RAVER2: variants seen among roughly 807,000 people sequenced by gnomAD.
The protein encoded by RAVER2 is ribonucleoprotein PTB-binding 2.
Under a neutral mutation model 78.1 loss-of-function variants are expected in RAVER2, and 46 were observed. That is an observed-to-expected ratio of 0.59 (90% CI 0.46 to 0.75). RAVER2 has a LOEUF of 0.75. RAVER2 is among the 30% of genes least tolerant of loss of function. The pLI is 0.00. For missense variants in RAVER2, 793 were observed against 837.5 expected (o/e 0.95, Z 0.66); for synonymous variants, 311 against 313.3 (o/e 0.99, Z 0.08).
chr1:64,806,652 G>A (rs1256278034), intron 8 of RAVER2, among the ~76,000 whole-genome samples: 1 of 152,156 alleles, frequency 6.6e-6, no homozygotes, highest in Non-Finnish European at 1.5e-5. Context: ...CTGATTTCAA[G>A]TTACCAATAT....
intron 11 of RAVER2, among the ~76,000 whole-genome samples, chr1:64,823,795 A>C (rs1322770776): frequency 6.7e-6 from 1 of 149,720 alleles, no homozygotes; most frequent in Non-Finnish European, 1.5e-5. Context: ...TGACTGTGTA[A>C]GTTGTGATTT....
chr1:64,806,208 AT>A (rs759221155), intron 8 of RAVER2, among the ~76,000 whole-genome samples: 7 of 152,076 alleles, frequency 4.6e-5, no homozygotes, highest in Non-Finnish European at 8.8e-5. Flanking sequence ...TAAAACTTTT[AT>A]TTGCCAGCCT....
At chr1:64,792,724 A>G (rs937070861) in intron 5 of RAVER2, among the ~76,000 whole-genome samples, 5 of 152,218 alleles carry the variant, frequency 3.3e-5, no homozygotes, top group African/African-American at 1.2e-4. Context: ...ACTTGAGCAC[A>G]TACATAGCTG....
At chr1:64,818,032 TGAG>T (rs1301711683) in intron 11 of RAVER2, among the ~76,000 whole-genome samples, 3 of 152,228 alleles carry the variant, frequency 2.0e-5, no homozygotes, top group Non-Finnish European at 4.4e-5. Flanking sequence ...TTTATACCAT[TGAG>T]AAGTTTCTTC....
intron 3 of RAVER2, among the ~76,000 whole-genome samples, chr1:64,780,321 A>G (rs950201728): frequency 2.6e-5 from 4 of 152,200 alleles, no homozygotes; most frequent in Non-Finnish European, 5.9e-5. Context: ...TGTTTAGAAG[A>G]GGTAGATGTT....
intron 1 of RAVER2, among the ~76,000 whole-genome samples, chr1:64,756,389 A>G (rs1651856714): frequency 6.6e-6 from 1 of 152,168 alleles, no homozygotes; most frequent in South Asian, 2.1e-4. Flanking sequence ...TTATGGCAAT[A>G]TAGGCTCATG....
chr1:64,832,311 T>C (rs954287779), exon 12 of RAVER2: 1 of 152,758 alleles, frequency 6.5e-6, no homozygotes, highest in Non-Finnish European at 1.5e-5. Flanking sequence ...CTCTTTTTGA[T>C]AGTGTGTTAG....
intron 11 of RAVER2, among the ~76,000 whole-genome samples, chr1:64,821,529 T>A (rs1653887573): frequency 6.6e-6 from 1 of 152,128 alleles, no homozygotes. Flanking sequence ...ATAGAAGCAG[T>A]AGAAATATGT....
At chr1:64,829,890 G>A (rs1331353288) in intron 11 of RAVER2, among the ~76,000 whole-genome samples, 1 of 152,134 alleles carries the variant, frequency 6.6e-6, no homozygotes, top group African/African-American at 2.4e-5. Flanking sequence ...TTTCAGTCTT[G>A]TCATCCCTCT....
At chr1:64,810,768 G>A (rs1242112834) in intron 9 of RAVER2, among the ~76,000 whole-genome samples, 1 of 152,022 alleles carries the variant, frequency 6.6e-6, no homozygotes. Flanking sequence ...TTTAAATCAG[G>A]TTCATTTTTG....
At position 64,830,836 on chromosome 1, in the gene RAVER2, T is replaced by G; in HGVS notation, c.1930-3T>G. On this transcript the variant is annotated splice_region_variant and splice_polypyrimidine_tract_variant and intron_variant, in intron 11 of 11. Coordinates refer to ENST00000294428, the Ensembl canonical transcript of RAVER2. Reference sequence around the variant, plus strand: ...AACTAGCTGCAATTTTATTTTCTCATAGGTGTCATCTTTAAGAAATGAAAA... The same window carrying G: ...AACTAGCTGCAATTTTATTTTCTCAGAGGTGTCATCTTTAAGAAATGAAAA... The G allele has an allele frequency of 6.3e-7, 1 of 1,588,758 alleles. No individual in the cohort carries two copies. The highest frequency in any genetic ancestry group is 8.6e-7 in the Non-Finnish European group (1 of 1,167,072).
intron 4 of RAVER2, 33 bp downstream of exon 4, chr1:64,781,604 G>T: frequency 6.3e-7 from 1 of 1,582,486 alleles, no homozygotes; most frequent in South Asian, 1.2e-5. Context: ...TCTTTTTTTA[G>T]AGTATAGAAA....
At chr1:64,794,412 A>AT (rs1165919817) in intron 5 of RAVER2, among the ~76,000 whole-genome samples, 1 of 151,698 alleles carries the variant, frequency 6.6e-6, no homozygotes, top group African/African-American at 2.4e-5. Flanking sequence ...AAAAAAAAAA[A>AT]AAAAACTGCC....
chr1:64,791,095 TAA>T (rs1456671902), intron 5 of RAVER2, among the ~76,000 whole-genome samples: 1 of 152,184 alleles, frequency 6.6e-6, no homozygotes, highest in East Asian at 1.9e-4. Context: ...AGTTTTATTA[TAA>T]AGAGCACAGG....
At chr1:64,829,348 G>C (rs1361010634) in intron 11 of RAVER2, among the ~76,000 whole-genome samples, 1 of 152,162 alleles carries the variant, frequency 6.6e-6, no homozygotes, top group East Asian at 1.9e-4. Flanking sequence ...TTGTAGAATG[G>C]ACTGATGACT....
In RAVER2 at chr1:64,781,367, T is replaced by C. The variant is rs1359665131; in HGVS notation, c.787-13T>C. ...AGATCGGAATTACTGTTTAATAGAA[T>C]GTATTGTATCAGCTTGCACAGGATG... On this transcript the variant is annotated splice_polypyrimidine_tract_variant and intron_variant, in intron 3 of 11. Transcript: ENST00000294428. 1 of 1,543,514 alleles carries C rather than the reference T, an allele frequency of 6.5e-7. No individual in the cohort carries two copies. The highest frequency in any genetic ancestry group is 8.8e-7 in the Non-Finnish European group (1 of 1,142,348).
intron 1 of RAVER2, among the ~76,000 whole-genome samples, chr1:64,751,598 T>C (rs1031331062): frequency 5.3e-5 from 8 of 152,088 alleles, no homozygotes; most frequent in Admixed American, 2.0e-4. Flanking sequence ...CATTTTTAGA[T>C]ACGGGATGTT....
chr1:64,773,897 A>G (rs1318136635), intron 2 of RAVER2, among the ~76,000 whole-genome samples: 1 of 152,076 alleles, frequency 6.6e-6, no homozygotes, highest in Non-Finnish European at 1.5e-5. Flanking sequence ...ATGGTATCTC[A>G]TTGTGGTTTT....
chr1:64,780,375 G>C (rs1056996459), intron 3 of RAVER2, among the ~76,000 whole-genome samples: 1 of 152,170 alleles, frequency 6.6e-6, no homozygotes, highest in Non-Finnish European at 1.5e-5. Flanking sequence ...TGGAGGAAAA[G>C]ATATTTGTTG....
Sources: allele counts gnomAD v4.1 joint callset (sites outside exome capture counted in the v4.1 genomes callset), GRCh38; gene constraint gnomAD v4.1.1; transcripts MANE v1.5; gene names NCBI Gene and HGNC (gene_info 2026-07-23, HGNC 2026-07-21).